The following AGBL4 variants were observed in gnomAD, a reference collection of about 807,000 sequenced individuals.
AGBL4 encodes cytosolic carboxypeptidase 6.
In AGBL4, 58 loss-of-function variants were observed where a neutral mutation model predicts 66.4. The observed-to-expected ratio is 0.87, with a 90% CI of 0.71 to 1.09. AGBL4 has a LOEUF of 1.09. Ranked by LOEUF, AGBL4 falls within the 50% of genes least tolerant of loss-of-function variation. AGBL4 has a pLI of 0.00. For missense variants in AGBL4, 579 were observed against 631.0 expected (o/e 0.92, Z 0.88); for synonymous variants, 234 against 222.9 (o/e 1.05, Z -0.44).
At position 49,882,276 on chromosome 1, in the gene AGBL4, T is replaced by C. The variant is rs1647421465; in HGVS notation, c.35-30758A>G. ...CTGTTTTGGTACCAGTACCATGCTG[T>C]TTTGGTTACTGTAGCCTTGTAGTAT... On this transcript the variant is annotated intron_variant, in intron 1 of 13. Coordinates refer to ENST00000371839, the MANE Select transcript of AGBL4 (RefSeq NM_032785.4). Among the ~76,000 whole-genome samples, 7 of 150,394 alleles carry C rather than the reference T, an allele frequency of 4.7e-5. No homozygotes were observed. The South Asian group carries it at 1.3e-3, about 28-fold the overall frequency.
At chr1:49,345,749 T>G (rs1026459869) in intron 3 of AGBL4, among the ~76,000 whole-genome samples, 7 of 152,206 alleles carry the variant, frequency 4.6e-5, no homozygotes, top group Non-Finnish European at 1.0e-4. Flanking sequence ...TCTCTCTGCC[T>G]GATTTCTCTA....
chr1:48,913,634 C>G (rs960915444), intron 5 of AGBL4, among the ~76,000 whole-genome samples: 1 of 152,182 alleles, frequency 6.6e-6, no homozygotes, highest in South Asian at 2.1e-4. Context: ...CCAGATGGGA[C>G]TGTTTTAGTT....
intron 1 of AGBL4, among the ~76,000 whole-genome samples, chr1:49,893,292 T>C (rs1648839032): frequency 6.6e-6 from 1 of 152,000 alleles, no homozygotes; most frequent in African/African-American, 2.4e-5. Flanking sequence ...AATAAAAGGC[T>C]CCACCGATTG....
intron 4 of AGBL4, among the ~76,000 whole-genome samples, chr1:49,172,760 G>A (rs1022206793): frequency 2.0e-5 from 3 of 152,196 alleles, no homozygotes; most frequent in African/African-American, 7.2e-5. Flanking sequence ...TGAGAAACTT[G>A]AATATTATTG....
At chr1:48,526,591 G>A in the AGBL4 span, among the ~76,000 whole-genome samples, 1 of 152,126 alleles carries the variant, frequency 6.6e-6, no homozygotes, top group African/African-American at 2.4e-5. Flanking sequence ...TAGCAGCAGC[G>A]GTAGTAGCAT....
intron 5 of AGBL4, among the ~76,000 whole-genome samples, chr1:48,874,707 G>A (rs1380228848): frequency 6.6e-6 from 1 of 152,186 alleles, no homozygotes; most frequent in Non-Finnish European, 1.5e-5. Context: ...CAGTCAGTGT[G>A]ATATGTAGCA....
At chr1:48,575,212 A>G (rs918495992) in intron 11 of AGBL4, among the ~76,000 whole-genome samples, 3 of 152,168 alleles carry the variant, frequency 2.0e-5, no homozygotes, top group Non-Finnish European at 4.4e-5. Flanking sequence ...TCCAATACCC[A>G]GTATTCCACT....
chr1:48,717,899 T>C (rs1347413459), intron 6 of AGBL4, among the ~76,000 whole-genome samples: 1 of 152,206 alleles, frequency 6.6e-6, no homozygotes, highest in East Asian at 1.9e-4. Context: ...ATATAGACTA[T>C]AATGCTAAGT....
chr1:49,003,121 G>C (rs192527088), intron 5 of AGBL4, among the ~76,000 whole-genome samples: 3 of 152,300 alleles, frequency 2.0e-5, no homozygotes, highest in Admixed American at 2.0e-4. Flanking sequence ...GTTGAGGCCA[G>C]GCACGTTGGT....
chr1:49,392,633 T>C (rs1239618056), intron 3 of AGBL4, among the ~76,000 whole-genome samples: 2 of 151,984 alleles, frequency 1.3e-5, no homozygotes, highest in Non-Finnish European at 2.9e-5. Flanking sequence ...TGGTTAGTGA[T>C]TACTCACGAG....
At chr1:48,612,949 C>T (rs1159225838) in intron 9 of AGBL4, among the ~76,000 whole-genome samples, 6 of 152,240 alleles carry the variant, frequency 3.9e-5, no homozygotes, top group South Asian at 2.1e-4. Context: ...GCCTGACCAA[C>T]GTGGCAAAAC....
intron 10 of AGBL4, 137 bp from the exon 11 acceptor site, chr1:48,587,303 A>G (rs1447194775): frequency 1.8e-5 from 15 of 819,484 alleles, no homozygotes; most frequent in South Asian, 1.5e-4. Flanking sequence ...CATGATTATT[A>G]TAAGGACTGA....
At chr1:48,523,376 C>T in the AGBL4 span, among the ~76,000 whole-genome samples, 81 of 152,234 alleles carry the variant, frequency 5.3e-4, no homozygotes, top group Non-Finnish European at 9.4e-4. Flanking sequence ...TCTTTCTCCC[C>T]ACTACATTCA....
intron 4 of AGBL4, among the ~76,000 whole-genome samples, chr1:49,243,020 T>G (rs1651355611): frequency 6.8e-6 from 1 of 146,276 alleles, no homozygotes; most frequent in Admixed American, 6.8e-5. Flanking sequence ...CCAATTTTTA[T>G]ACATATATAT....
At chr1:49,690,092 A>C (rs1646858363) in intron 3 of AGBL4, among the ~76,000 whole-genome samples, 2 of 152,340 alleles carry the variant, frequency 1.3e-5, no homozygotes, top group South Asian at 4.1e-4. Flanking sequence ...ACCAGCCAAA[A>C]AGATTAAGAC....
intron 3 of AGBL4, among the ~76,000 whole-genome samples, chr1:49,604,734 T>C (rs12164604): frequency 0.075 from 11,484 of 152,138 alleles, 1,364 homozygotes; most frequent in African/African-American, 0.25. Context: ...ATCTCACTAG[T>C]AGTTCAACCT....
intron 3 of AGBL4, among the ~76,000 whole-genome samples, chr1:49,510,220 T>C (rs1160173940): frequency 6.6e-6 from 1 of 151,998 alleles, no homozygotes; most frequent in East Asian, 1.9e-4. Context: ...GTGTTCCTAT[T>C]TCTCCACATC....
chr1:49,915,860 C>T lies in AGBL4; in HGVS notation c.35-64342G>A, dbSNP rs147329550. On this transcript the variant is annotated intron_variant, in intron 1 of 13. Transcript: ENST00000371839. ...AATAGGGGCAGACTGACACCTCACA[C>T]GGCCAGGTACTCCTCTGAGACGAAG... Among the ~76,000 whole-genome samples, 6 of 152,228 alleles carry T rather than the reference C, an allele frequency of 3.9e-5. No homozygotes were observed. The South Asian group carries it at 6.2e-4, about 16-fold the overall frequency.
chr1:48,573,849 G>A (rs1644607417), intron 11 of AGBL4, among the ~76,000 whole-genome samples: 1 of 152,114 alleles, frequency 6.6e-6, no homozygotes, highest in South Asian at 2.1e-4. Flanking sequence ...TTATGTTCCA[G>A]GTAATCTATT....
Sources: gnomAD v4.1 joint callset for allele counts (sites outside exome capture counted in the v4.1 genomes callset) on GRCh38, gnomAD v4.1.1 for gene constraint, MANE v1.5 for transcripts, NCBI Gene and HGNC (gene_info 2026-07-23, HGNC 2026-07-21) for gene names.